The following MAST4 variants were observed in gnomAD, a reference collection of about 807,000 sequenced individuals.
The protein encoded by MAST4 is microtubule-associated serine/threonine-protein kinase 4.
A neutral mutation model predicts 162.7 loss-of-function variants in MAST4; 89 were observed. That is an observed-to-expected ratio of 0.55 (90% CI 0.46 to 0.65). The LOEUF is 0.65. Among genes scored for constraint, MAST4 ranks in the 30% least tolerant of loss-of-function variants. MAST4 has a pLI of 0.00. For missense variants in MAST4, 3,153 were observed against 3,374.0 expected, an observed-to-expected ratio of 0.93 and a Z score of 1.62; for synonymous variants, 1,479 against 1,361.1, an observed-to-expected ratio of 1.09 and a Z score of -1.91.
chr5:67,145,022 T>TG (rs1770886204), intron 22 of MAST4, 122 bp from the exon 23 acceptor site: 2 of 924,400 alleles, frequency 2.2e-6, no homozygotes, highest in Admixed American at 4.7e-5. Context: ...TAAGAACCAT[T>TG]GCACTAGACA....
At chr5:66,980,924 A>C (rs77791260) in intron 4 of MAST4, among the ~76,000 whole-genome samples, 3,777 of 152,288 alleles carry the variant, frequency 0.025, 147 homozygotes, top group African/African-American at 0.087. Flanking sequence ...GGCAGTAACA[A>C]GTCACCCCCT....
At chr5:67,104,810 A>T (rs192433971) in intron 10 of MAST4, among the ~76,000 whole-genome samples, 11 of 152,318 alleles carry the variant, frequency 7.2e-5, no homozygotes, top group Non-Finnish European at 1.5e-5. Flanking sequence ...AGGACCCAAC[A>T]ATCTATGACT....
intron 1 of MAST4, among the ~76,000 whole-genome samples, chr5:66,751,973 G>C (rs1001122882): frequency 7.9e-5 from 12 of 151,524 alleles, no homozygotes; most frequent in African/African-American, 2.9e-4. Flanking sequence ...AGCCAGAAGA[G>C]AGTGGGGGCC....
rs142272993 is a variant in MAST4 at position 67,065,438 on chromosome 5, A to G, written c.763+10946A>G. On this transcript the variant is annotated intron_variant, in intron 5 of 28. Coordinates refer to ENST00000403625, the MANE Select transcript of MAST4 (RefSeq NM_001164664.2). ...AAATAGAGACTGTCTTCCTCCAGTCATTAGCTGGTGAGAGAGTGTGGATTT... is the reference window on the plus strand; with the variant it reads ...AAATAGAGACTGTCTTCCTCCAGTCGTTAGCTGGTGAGAGAGTGTGGATTT... Among the ~76,000 whole-genome samples the G allele has an allele frequency of 4.2e-3, 644 of 152,314 alleles. 2 individuals are homozygous for G. The highest frequency in any genetic ancestry group is 5.2e-3 in the Non-Finnish European group (356 of 68,028).
chr5:66,715,179 G>C (rs1170827815), intron 1 of MAST4, among the ~76,000 whole-genome samples: 1 of 152,192 alleles, frequency 6.6e-6, no homozygotes, highest in Non-Finnish European at 1.5e-5. Flanking sequence ...ATCATGTCAT[G>C]TAGTCACAGG....
At chr5:66,623,471 G>A (rs115800522) in intron 1 of MAST4, among the ~76,000 whole-genome samples, 3,372 of 152,338 alleles carry the variant, frequency 0.022, 126 homozygotes, top group African/African-American at 0.077. Flanking sequence ...TCCCTGGGAT[G>A]CAAGGATGGT....
intron 3 of MAST4, among the ~76,000 whole-genome samples, chr5:66,829,223 A>G (rs556006977): frequency 6.6e-6 from 1 of 152,056 alleles, no homozygotes; most frequent in South Asian, 2.1e-4. Flanking sequence ...GTCGAGGGGT[A>G]GCAACTCCTT....
At chr5:67,025,287 G>GT (rs1215387798) in intron 4 of MAST4, among the ~76,000 whole-genome samples, 1 of 152,114 alleles carries the variant, frequency 6.6e-6, no homozygotes, top group African/African-American at 2.4e-5. Flanking sequence ...GGCATGTCTA[G>GT]TAACTACCGT....
intron 4 of MAST4, among the ~76,000 whole-genome samples, chr5:67,039,948 T>C (rs1262507334): frequency 6.7e-6 from 1 of 149,204 alleles, no homozygotes; most frequent in Non-Finnish European, 1.5e-5. Context: ...TGAGTTTGCT[T>C]TATTTTGAGA....
intron 4 of MAST4, among the ~76,000 whole-genome samples, chr5:66,928,771 C>T (rs1765088509): frequency 6.6e-6 from 1 of 152,138 alleles, no homozygotes; most frequent in African/African-American, 2.4e-5. Flanking sequence ...ATTCTTTTTC[C>T]ATGTTGAGTG....
At chr5:66,923,670 A>G (rs896088423) in intron 4 of MAST4, among the ~76,000 whole-genome samples, 2 of 152,244 alleles carry the variant, frequency 1.3e-5, no homozygotes, top group Admixed American at 1.3e-4. Flanking sequence ...TTCTCAGTAT[A>G]GTCTAAATGA....
chr5:66,986,600 TTATA>T (rs548477839), intron 4 of MAST4: 4 of 213,898 alleles, frequency 1.9e-5, no homozygotes, highest in South Asian at 1.8e-4. Context: ...ATGTATGAAT[TTATA>T]TATATATATA....
chr5:66,894,777 T>C (rs574821785), intron 3 of MAST4, among the ~76,000 whole-genome samples: 13 of 152,328 alleles, frequency 8.5e-5, no homozygotes, highest in African/African-American at 2.9e-4. Flanking sequence ...GGCAAGTTGC[T>C]CAACTTCCAA....
intron 1 of MAST4, among the ~76,000 whole-genome samples, chr5:66,705,886 A>G (rs1249806122): frequency 6.6e-6 from 1 of 152,152 alleles, no homozygotes; most frequent in Non-Finnish European, 1.5e-5. Flanking sequence ...GTCATTCTTT[A>G]ATACTTCTTG....
At chr5:66,607,995 A>C (rs1341733796) in intron 1 of MAST4, among the ~76,000 whole-genome samples, 1 of 151,940 alleles carries the variant, frequency 6.6e-6, no homozygotes, top group East Asian at 1.9e-4. Context: ...TCTGATATGT[A>C]TATATTTTGA....
At chr5:67,141,661 C>T (rs959708481) in intron 19 of MAST4, among the ~76,000 whole-genome samples, 4 of 152,054 alleles carry the variant, frequency 2.6e-5, no homozygotes, top group Non-Finnish European at 5.9e-5. Context: ...GAATGGTAAC[C>T]CCTATAAATA....
At chr5:67,010,966 C>T (rs929139582) in intron 4 of MAST4, among the ~76,000 whole-genome samples, 23 of 152,282 alleles carry the variant, frequency 1.5e-4, no homozygotes, top group Admixed American at 5.2e-4. Context: ...TCTGCACATT[C>T]GTGGCTGGCC....
chr5:67,045,136 A>G (rs1011974787), intron 4 of MAST4, among the ~76,000 whole-genome samples: 1 of 152,256 alleles, frequency 6.6e-6, no homozygotes, highest in Non-Finnish European at 1.5e-5. Flanking sequence ...CAGTCATTCA[A>G]AAGTATTTAA....
At chr5:66,829,228 C>T (rs1757434267) in intron 3 of MAST4, among the ~76,000 whole-genome samples, 1 of 151,886 alleles carries the variant, frequency 6.6e-6, no homozygotes, top group African/African-American at 2.4e-5. Context: ...GGGGTAGCAA[C>T]TCCTTTCAAT....
Sources: allele counts gnomAD v4.1 joint callset (sites outside exome capture counted in the v4.1 genomes callset), GRCh38; gene constraint gnomAD v4.1.1; transcripts MANE v1.5; gene names NCBI Gene and HGNC (gene_info 2026-07-23, HGNC 2026-07-21).